The following ACACB variants were observed in gnomAD, a reference collection of about 807,000 sequenced individuals.
ACACB encodes acetyl-CoA carboxylase 2.
In ACACB, 209 loss-of-function variants were observed where a neutral mutation model predicts 278.8. The observed-to-expected ratio is 0.75, with a 90% CI of 0.67 to 0.84. The LOEUF (loss-of-function observed/expected upper bound fraction) is 0.84. Ranked by LOEUF, ACACB falls within the 40% of genes least tolerant of loss-of-function variation. The pLI is 0.00. For missense variants in ACACB, 2,850 were observed against 3,269.0 expected (o/e 0.87, Z 3.13); for synonymous variants, 1,174 against 1,285.6 (o/e 0.91, Z 1.86).
intron 16 of ACACB, among the ~76,000 whole-genome samples, chr12:109,194,984 G>T (rs909373602): frequency 6.6e-6 from 1 of 152,060 alleles, no homozygotes; most frequent in Non-Finnish European, 1.5e-5. Flanking sequence ...GAGTCCCTGG[G>T]GCTTATTCCG....
chr12:109,262,950 T>TTATATATACATATATATATATA (rs2047417824), intron 49 of ACACB: 1 of 62,470 alleles, frequency 1.6e-5, no homozygotes, highest in African/African-American at 3.8e-5. Flanking sequence ...CTTTTTAACA[T>TTATATATACATATATATATATA]TATATATATA....
chr12:109,141,546 CT>C (rs1213829817), intron 2 of ACACB, among the ~76,000 whole-genome samples: 2 of 152,240 alleles, frequency 1.3e-5, no homozygotes, highest in East Asian at 3.8e-4. Flanking sequence ...CATTGTTCTA[CT>C]TCTTCCTTCT....
intron 15 of ACACB, among the ~76,000 whole-genome samples, chr12:109,192,225 TAGTC>T (rs1174012676): frequency 2.0e-5 from 3 of 152,098 alleles, no homozygotes; most frequent in East Asian, 1.9e-4. Flanking sequence ...TACATCATAA[TAGTC>T]AGGAGTTCTG....
At chr12:109,176,412 C>A in intron 9 of ACACB, 149 bp downstream of exon 9, 1 of 723,534 alleles carries the variant, frequency 1.4e-6, no homozygotes, top group Non-Finnish European at 2.3e-6. Flanking sequence ...GCAACAAACG[C>A]GTACATTTTT....
Position 109,264,345 on chromosome 12 carries a change from C to A in ACACB, c.6901C>A (p.His2301Asn), listed in dbSNP as rs1258750802. Residue 2301 changes from histidine to asparagine, a missense_variant, in exon 50 of 53, where the codon CAT (histidine) becomes AAT (asparagine). Physicochemically the swap from His to Asn is moderately conservative, Grantham distance 68. Around this residue, in one of 3 missense-constraint regions of ACACB, gnomAD observed 579 missense variants for 684.6 expected, o/e 0.85. Transcript: ENST00000338432. ...HQVAVQFADFHDTPGRMLEKG... is the reference protein window; with the variant it reads ...HQVAVQFADFNDTPGRMLEKG... Reference sequence around the variant, plus strand: ...GGTGGCGGTGCAGTTCGCCGACTTCCATGACACACCCGGCCGGATGCTGGA... The same window carrying A: ...GGTGGCGGTGCAGTTCGCCGACTTCAATGACACACCCGGCCGGATGCTGGA... 8 of 1,614,108 alleles carry A rather than the reference C, an allele frequency of 5.0e-6. No individual in the cohort carries two copies.
At position 109,239,918 on chromosome 12, in the gene ACACB, G is replaced by A; in HGVS notation, c.4751G>A (p.Ser1584Asn). Residue 1584 changes from serine (S) to asparagine (N), a missense_variant, in exon 35 of 53, where the codon AGC (serine) becomes AAC (asparagine). Ser to Asn is a conservative substitution (Grantham distance 46, BLOSUM62 1). This residue lies in a region of ACACB where 2,265 missense variants were observed against 2,561.3 expected (regional missense o/e 0.88). Coordinates refer to ENST00000338432, the MANE Select transcript of ACACB (RefSeq NM_001093.4). ...DELEVAFNNT[S>N]VRTDCNHIFL... The stretch of plus-strand genomic sequence containing the variant: ...CTGGAGGTGGCGTTCAATAACACCA[G>A]CGTGCGCACCGACTGCAACCACATC... The A allele has an allele frequency of 1.2e-6, 2 of 1,614,202 alleles. No individual in the cohort carries two copies. The highest frequency in any genetic ancestry group is 1.7e-6 in the Non-Finnish European group (2 of 1,180,036).
chr12:109,242,580 A>G lies in ACACB; in HGVS notation c.5166A>G (p.Glu1722=). ...LGTTYIYDFP[E]MFRQALFKLW... ...CCACCTACATCTATGACTTCCCGGA[A>G]ATGTTCAGGCAGGCAAGTCCGGCGG... The change falls in exon 37 of 53, where the codon GAA becomes GAG. Residue 1722 remains glutamate (E), a synonymous_variant. Transcript: ENST00000338432. 2 of 1,613,970 alleles carry G rather than the reference A, an allele frequency of 1.2e-6. No individual in the cohort carries two copies. The highest frequency in any genetic ancestry group is 1.7e-6 in the Non-Finnish European group (2 of 1,179,922).
chr12:109,151,086 G>A lies in ACACB; in HGVS notation c.653+11028G>A, dbSNP rs148658045. On this transcript the variant is annotated intron_variant, in intron 2 of 52. Coordinates refer to ENST00000338432, the MANE Select transcript of ACACB (RefSeq NM_001093.4). ...CTCTACCGCCCGGGTCCCGGTTCAA[G>A]CAATTCTCCTGCCTCAGCCTCCCGA... 4.6e-3 allele frequency among the ~76,000 whole-genome samples: 698 copies of A among 151,082 alleles called. 8 individuals carry two copies. The highest frequency in any genetic ancestry group is 0.016 in the African/African-American group (666 of 41,082).
Position 109,244,921 on chromosome 12 carries a change from C to T in ACACB, c.5179-705C>T, listed in dbSNP as rs140690481. Reference sequence around the variant, plus strand: ...AGGAGTAGAAAAAGTAATTTGCTGCCGGGCGTGGTGGCTCACGCCTGTAAT... The same window carrying T: ...AGGAGTAGAAAAAGTAATTTGCTGCTGGGCGTGGTGGCTCACGCCTGTAAT... On this transcript the variant is annotated intron_variant, in intron 37 of 52. Transcript: ENST00000338432. Among the ~76,000 whole-genome samples the T allele has an allele frequency of 3.0e-4, 46 of 152,092 alleles. No homozygotes were observed. The East Asian group carries it at 7.2e-3, about 24-fold the overall frequency.
chr12:109,133,863 ATTTTTTTT>A (rs67896522), intron 1 of ACACB, among the ~76,000 whole-genome samples: 7 of 70,640 alleles, frequency 9.9e-5, no homozygotes, highest in African/African-American at 4.4e-4. Flanking sequence ...ATATATATAT[ATTTTTTTT>A]TTTTTTTTTT....
intron 4 of ACACB, among the ~76,000 whole-genome samples, 200 bp downstream of exon 4, chr12:109,168,234 C>CTT: frequency 6.6e-6 from 1 of 152,284 alleles, no homozygotes; most frequent in African/African-American, 2.4e-5. Context: ...TACAAAAATG[C>CTT]AGATGGTTAA....
chr12:109,233,672 T>G, intron 29 of ACACB, 76 bp from the exon 30 acceptor site: 1 of 1,287,086 alleles, frequency 7.8e-7, no homozygotes, highest in Non-Finnish European at 1.1e-6. Flanking sequence ...CGTTCCCTGC[T>G]GCCTGGCTTG....
chr12:109,203,055 TTCTG>T (rs1254817145), intron 19 of ACACB, among the ~76,000 whole-genome samples: 12 of 152,228 alleles, frequency 7.9e-5, no homozygotes, highest in Non-Finnish European at 1.3e-4. Context: ...TTGTTCTGCT[TTCTG>T]TCTATCAATT....
At chr12:109,203,956 A>G (rs569813132) in intron 19 of ACACB, among the ~76,000 whole-genome samples, 2 of 152,308 alleles carry the variant, frequency 1.3e-5, no homozygotes, top group African/African-American at 4.8e-5. Context: ...TGTCCAGTAA[A>G]AAAAAAATTT....
chr12:109,242,934 C>T (rs1593682753), intron 37 of ACACB, among the ~76,000 whole-genome samples: 1 of 152,016 alleles, frequency 6.6e-6, no homozygotes, highest in South Asian at 2.1e-4. Context: ...CCACTGCACT[C>T]CAGGCTGGGT....
At chr12:109,171,013 A>ATTTTTTTTTTTTT (rs59371391) in intron 4 of ACACB, among the ~76,000 whole-genome samples, 2 of 106,530 alleles carry the variant, frequency 1.9e-5, no homozygotes, top group Non-Finnish European at 3.6e-5. Flanking sequence ...CTTTTTTTGG[A>ATTTTTTTTTTTTT]TTTTTTTTTT....
At chr12:109,252,988 A>G (rs2047135643) in intron 42 of ACACB, 27 bp from the exon 43 acceptor site, 3 of 1,584,344 alleles carry the variant, frequency 1.9e-6, no homozygotes, top group Non-Finnish European at 2.6e-6. Context: ...CGTGCAGGAC[A>G]TTGCTAACCA....
At chr12:109,238,295 G>T (rs1487827759) in intron 34 of ACACB, among the ~76,000 whole-genome samples, 2 of 147,482 alleles carry the variant, frequency 1.4e-5, no homozygotes, top group Non-Finnish European at 1.5e-5. Context: ...TGTTAATAAA[G>T]AGTGGTCCAC....
rs756616039 is a variant in ACACB, at chr12:109,235,652, G to A, written c.4446+5G>A. On this transcript the variant is annotated splice_donor_5th_base_variant and intron_variant, in intron 33 of 52. Transcript: ENST00000338432. ...ACATTCAGAGCAAGAGATGAGGTAT[G>A]GCCAAAAGTAATGATGTTTTCTCTT... The A allele has an allele frequency of 3.1e-6, 5 of 1,608,898 alleles. No homozygotes were observed. The highest frequency in any genetic ancestry group is 3.3e-5 in the Admixed American group (2 of 59,838).
Sources: gnomAD v4.1 joint callset for allele counts (sites outside exome capture counted in the v4.1 genomes callset) on GRCh38, gnomAD v4.1.1 for gene constraint, gnomAD v4.1.1 regional missense constraint, MANE v1.5 for transcripts, NCBI Gene and HGNC (gene_info 2026-07-23, HGNC 2026-07-21) for gene names.